The following FBN1 variants were observed in gnomAD, a reference collection of about 807,000 sequenced individuals.
The protein encoded by FBN1 is fibrillin-1.
A neutral mutation model predicts 365.1 loss-of-function variants in FBN1; 29 were observed. That is an observed-to-expected ratio of 0.08 (90% CI 0.06 to 0.11). FBN1 has a LOEUF of 0.11. Ranked by LOEUF, FBN1 falls within the 10% of genes least tolerant of loss-of-function variation. FBN1 has a pLI of 1.00. For missense variants in FBN1, 2,476 were observed against 3,703.2 expected (o/e 0.67, Z 8.60); for synonymous variants, 1,210 against 1,270.5 (o/e 0.95, Z 1.01).
At chr15:48,591,133 T>C (rs1328454033) in intron 6 of FBN1, among the ~76,000 whole-genome samples, 1 of 152,214 alleles carries the variant, frequency 6.6e-6, no homozygotes, top group African/African-American at 2.4e-5. Context: ...TTAAACCAAT[T>C]CCATGTGCTT....
intron 49 of FBN1, among the ~76,000 whole-genome samples, chr15:48,443,389 G>A (rs539846192): frequency 6.6e-6 from 1 of 152,216 alleles, no homozygotes; most frequent in African/African-American, 2.4e-5. Flanking sequence ...GCCAAATATT[G>A]TAGAATGGGC....
At chr15:48,508,341 T>C (rs899631923) in intron 15 of FBN1, among the ~76,000 whole-genome samples, 3 of 152,226 alleles carry the variant, frequency 2.0e-5, no homozygotes, top group Non-Finnish European at 4.4e-5. Flanking sequence ...ATTTGCTACA[T>C]AGCTTTTGAC....
chr15:48,603,821 T>G (rs1597627750), intron 4 of FBN1, among the ~76,000 whole-genome samples: 2 of 152,208 alleles, frequency 1.3e-5, no homozygotes, highest in South Asian at 4.1e-4. Context: ...CAGTGAACCC[T>G]GAGTGTCCTA....
intron 6 of FBN1, among the ~76,000 whole-genome samples, chr15:48,544,615 A>T (rs1360142767): frequency 6.6e-6 from 1 of 152,240 alleles, no homozygotes; most frequent in Non-Finnish European, 1.5e-5. Flanking sequence ...CAATTCACCA[A>T]AATCCAGGCC....
At chr15:48,460,745 C>G (rs1350242028) in intron 42 of FBN1, among the ~76,000 whole-genome samples, 1 of 152,134 alleles carries the variant, frequency 6.6e-6, no homozygotes, top group Non-Finnish European at 1.5e-5. Context: ...CAAATCTAGC[C>G]ACATTCTTGA....
intron 24 of FBN1, among the ~76,000 whole-genome samples, chr15:48,491,528 T>C (rs1159519833): frequency 6.6e-6 from 1 of 152,128 alleles, no homozygotes; most frequent in Non-Finnish European, 1.5e-5. Context: ...TTTTTTTGTA[T>C]TTTTAGTAGA....
intron 40 of FBN1, 93 bp downstream of exon 40, chr15:48,465,475 T>A (rs1204611255): frequency 1.4e-6 from 2 of 1,462,444 alleles, no homozygotes; most frequent in Non-Finnish European, 1.9e-6. Flanking sequence ...TGTGCTACAC[T>A]GCTAAATTCT....
chr15:48,617,906 A>T (rs934511536), intron 2 of FBN1, among the ~76,000 whole-genome samples: 9 of 152,176 alleles, frequency 5.9e-5, no homozygotes, highest in African/African-American at 2.2e-4. Flanking sequence ...CAAAGTGCAA[A>T]CTCCTTTTCA....
intron 24 of FBN1, among the ~76,000 whole-genome samples, chr15:48,492,070 G>A (rs2043564544): frequency 6.6e-6 from 1 of 152,168 alleles, no homozygotes; most frequent in Non-Finnish European, 1.5e-5. Flanking sequence ...GATCTCCACA[G>A]GTGTTTTTGC....
intron 6 of FBN1, among the ~76,000 whole-genome samples, chr15:48,595,830 A>C (rs2044511061): frequency 6.6e-6 from 1 of 152,144 alleles, no homozygotes; most frequent in East Asian, 1.9e-4. Flanking sequence ...TTGAATGCTG[A>C]GCTTGTACAC....
In FBN1 at chr15:48,463,651, A is replaced by T. The variant is rs185159155; in HGVS notation, c.5065+248T>A. On this transcript the variant is annotated intron_variant, in intron 41 of 65. Coordinates refer to ENST00000316623, the MANE Select transcript of FBN1 (RefSeq NM_000138.5). ...GATACACCCAAAAGTCAAACAAAAG[A>T]AGTACTATTAACTGTTGTTTGGGAT... Among the ~76,000 whole-genome samples the T allele has an allele frequency of 3.3e-5, 5 of 152,348 alleles. No homozygotes were observed. In the East Asian group the frequency reaches 7.7e-4, roughly 24 times the overall value.
intron 32 of FBN1, among the ~76,000 whole-genome samples, chr15:48,476,968 C>T (rs2043424473): frequency 6.6e-6 from 1 of 151,874 alleles, no homozygotes; most frequent in African/African-American, 2.4e-5. Context: ...TATTCTAAGC[C>T]TTGCTTTATG....
At chr15:48,623,293 A>G (rs1004557144) in intron 2 of FBN1, among the ~76,000 whole-genome samples, 2 of 152,264 alleles carry the variant, frequency 1.3e-5, no homozygotes, top group Admixed American at 1.3e-4. Flanking sequence ...AAATTTATCT[A>G]TTTAAAAGAA....
chr15:48,530,969 T>TA (rs2043966399), intron 8 of FBN1, among the ~76,000 whole-genome samples: 1 of 152,204 alleles, frequency 6.6e-6, no homozygotes, highest in East Asian at 1.9e-4. Flanking sequence ...TAATTACGCT[T>TA]TTTATTTCTT....
intron 18 of FBN1, 77 bp from the exon 19 acceptor site, chr15:48,497,468 C>A: frequency 3.6e-6 from 5 of 1,392,608 alleles, no homozygotes; most frequent in East Asian, 2.4e-5. Flanking sequence ...TATAACACTA[C>A]AATAAATGTA....
intron 6 of FBN1, among the ~76,000 whole-genome samples, chr15:48,555,529 G>C (rs1407476943): frequency 6.6e-6 from 1 of 152,060 alleles, no homozygotes; most frequent in Non-Finnish European, 1.5e-5. Context: ...TTCATCTTCT[G>C]AGCTCCTATG....
intron 10 of FBN1, among the ~76,000 whole-genome samples, chr15:48,518,283 CACT>C (rs2043821386): frequency 6.6e-6 from 1 of 152,194 alleles, no homozygotes. Context: ...AAATTCCCAC[CACT>C]AAGACTGTGT....
At chr15:48,488,535 C>T in intron 25 of FBN1, 42 bp from the exon 26 acceptor site, 1 of 1,605,492 alleles carries the variant, frequency 6.2e-7, no homozygotes, top group Non-Finnish European at 8.5e-7. Flanking sequence ...AGTTTATGAG[C>T]AAGCAGTCAG....
intron 6 of FBN1, among the ~76,000 whole-genome samples, chr15:48,567,997 A>AAAAGAAAG: frequency 1.6e-5 from 1 of 61,910 alleles, no homozygotes; most frequent in Non-Finnish European, 3.1e-5. Context: ...AAGTATACAG[A>AAAAGAAAG]TAAGAAAGAA....
Sources: gnomAD v4.1 joint callset for allele counts (sites outside exome capture counted in the v4.1 genomes callset) on GRCh38, gnomAD v4.1.1 for gene constraint, MANE v1.5 for transcripts, NCBI Gene and HGNC (gene_info 2026-07-23, HGNC 2026-07-21) for gene names.